The following CCSER1 variants were observed in gnomAD, a reference collection of about 807,000 sequenced individuals.
CCSER1 encodes serine-rich coiled-coil domain-containing protein 1.
Under a neutral mutation model 82.0 loss-of-function variants are expected in CCSER1, and 41 were observed. That is an observed-to-expected ratio of 0.50 (90% CI 0.39 to 0.65). The LOEUF is 0.65. Among genes scored for constraint, CCSER1 ranks in the 30% least tolerant of loss-of-function variants. The pLI, the probability that CCSER1 is intolerant of heterozygous loss-of-function variation, is 0.00. For missense variants in CCSER1, 1,119 were observed against 1,064.2 expected, an observed-to-expected ratio of 1.05 and a Z score of -0.72; for synonymous variants, 414 against 383.9, an observed-to-expected ratio of 1.08 and a Z score of -0.92.
intron 10 of CCSER1, among the ~76,000 whole-genome samples, chr4:91,224,980 C>T (rs548363162): frequency 6.6e-6 from 1 of 151,058 alleles, no homozygotes; most frequent in African/African-American, 2.4e-5. Context: ...TCCAATTTAA[C>T]AAGATGCTAC....
intron 6 of CCSER1, among the ~76,000 whole-genome samples, chr4:90,637,554 C>T (rs1287908330): frequency 6.6e-6 from 1 of 152,072 alleles, no homozygotes; most frequent in Non-Finnish European, 1.5e-5. Context: ...GCAAAGTACA[C>T]TCAGCCCCTC....
intron 5 of CCSER1, among the ~76,000 whole-genome samples, chr4:90,558,331 A>T (rs561576278): frequency 6.6e-6 from 1 of 152,306 alleles, no homozygotes; most frequent in South Asian, 2.1e-4. Context: ...TAAAATTAAC[A>T]TATAGAAATA....
At chr4:91,091,314 G>T (rs1377439514) in intron 10 of CCSER1, among the ~76,000 whole-genome samples, 1 of 152,158 alleles carries the variant, frequency 6.6e-6, no homozygotes, top group Non-Finnish European at 1.5e-5. Context: ...GTTCAGAGGG[G>T]TCATAGCACA....
chr4:91,159,511 A>G (rs936428291), intron 10 of CCSER1, among the ~76,000 whole-genome samples: 1 of 151,982 alleles, frequency 6.6e-6, no homozygotes, highest in East Asian at 1.9e-4. Flanking sequence ...TTGGAAACAT[A>G]AATATTAATT....
intron 10 of CCSER1, among the ~76,000 whole-genome samples, chr4:91,394,497 C>T (rs17018434): frequency 0.013 from 1,983 of 151,918 alleles, 43 homozygotes; most frequent in African/African-American, 0.045. Flanking sequence ...TTAATTAGTT[C>T]GGCAGATAAA....
At chr4:90,316,026 G>T (rs1369846564) in intron 3 of CCSER1, among the ~76,000 whole-genome samples, 1 of 152,032 alleles carries the variant, frequency 6.6e-6, no homozygotes, top group African/African-American at 2.4e-5. Flanking sequence ...ATGTATCCAT[G>T]GTTCAGTTAT....
chr4:91,068,905 A>G (rs1368345930), intron 9 of CCSER1, among the ~76,000 whole-genome samples: 4 of 152,144 alleles, frequency 2.6e-5, no homozygotes, highest in African/African-American at 7.2e-5. Flanking sequence ...ATTTTTGGCC[A>G]GGCATGGTGG....
At chr4:90,471,348 TC>T (rs537043778) in intron 5 of CCSER1, among the ~76,000 whole-genome samples, 318 of 152,008 alleles carry the variant, frequency 2.1e-3, no homozygotes, top group Non-Finnish European at 3.3e-3. Context: ...GGGGAAAGGA[TC>T]ATTTGAACCC....
At chr4:91,113,282 A>T (rs1726245391) in intron 10 of CCSER1, among the ~76,000 whole-genome samples, 1 of 152,156 alleles carries the variant, frequency 6.6e-6, no homozygotes, top group Non-Finnish European at 1.5e-5. Flanking sequence ...TGCAAGGGAG[A>T]CCTTCTTGAG....
chr4:90,409,441 ACT>A lies in CCSER1; in HGVS notation c.1603+9315_1603+9316del, dbSNP rs1754316819. Among the ~76,000 whole-genome samples the A allele has an allele frequency of 4.6e-5, 7 of 152,320 alleles. No homozygotes were observed. The South Asian group carries it at 1.4e-3, about 32-fold the overall frequency. The stretch of plus-strand genomic sequence containing the variant: ...ACTAAAAGCTGATCTCTCGGCAGAA[ACT>A]CTACAAGCCAGAAGAGAGTGGGGGC... On this transcript the variant is annotated intron_variant, in intron 4 of 10. Transcript: ENST00000509176.
chr4:90,347,311 C>CTCTATCTATCTATCTATCTA (rs35636292), intron 3 of CCSER1, among the ~76,000 whole-genome samples: 276 of 148,714 alleles, frequency 1.9e-3, no homozygotes, highest in East Asian at 4.6e-3. Flanking sequence ...TTAACATAAG[C>CTCTATCTATCTATCTATCTA]TCTATCTATC....
In CCSER1 at chr4:91,598,967, C is replaced by G; in HGVS notation, c.2613C>G (p.Ile871Met). ...GRFGQPPRGP[I>M]SLHMYSRKNV... Reference sequence around the variant, plus strand: ...TTGGACAGCCACCCAGAGGGCCAATCTCTTTACACATGTACAGCAGGAAGA... The same window carrying G: ...TTGGACAGCCACCCAGAGGGCCAATGTCTTTACACATGTACAGCAGGAAGA... The change falls in exon 11 of 11, where the codon ATC (isoleucine) becomes ATG (methionine). Residue 871 changes from isoleucine to methionine, a missense_variant. Coordinates refer to ENST00000509176, the MANE Select transcript of CCSER1 (RefSeq NM_001145065.2). The G allele has an allele frequency of 6.4e-7, 1 of 1,551,584 alleles. No individual in the cohort carries two copies. The highest frequency in any genetic ancestry group is 1.2e-5 in the South Asian group (1 of 84,058).
intron 3 of CCSER1, among the ~76,000 whole-genome samples, chr4:90,323,092 T>C (rs958864227): frequency 6.6e-6 from 1 of 152,190 alleles, no homozygotes; most frequent in Non-Finnish European, 1.5e-5. Context: ...TTCAGGAATA[T>C]GCAGGGTGCT....
At chr4:91,258,729 C>T (rs1740880632) in intron 10 of CCSER1, among the ~76,000 whole-genome samples, 1 of 151,986 alleles carries the variant, frequency 6.6e-6, no homozygotes, top group Non-Finnish European at 1.5e-5. Flanking sequence ...TGCTAATATG[C>T]AAAAATAAAT....
chr4:90,178,224 A>G (rs6836042), intron 1 of CCSER1, among the ~76,000 whole-genome samples: 3,663 of 152,228 alleles, frequency 0.024, 140 homozygotes, highest in African/African-American at 0.082. Context: ...TAGAGCATAA[A>G]CAAAGTATTC....
chr4:91,362,261 C>T (rs1749300554), intron 10 of CCSER1, among the ~76,000 whole-genome samples: 1 of 151,810 alleles, frequency 6.6e-6, no homozygotes, highest in African/African-American at 2.4e-5. Flanking sequence ...GATATTTTAG[C>T]TGAGCCTGTA....
intron 10 of CCSER1, among the ~76,000 whole-genome samples, chr4:91,498,753 T>C (rs1316325405): frequency 2.0e-5 from 3 of 151,950 alleles, no homozygotes. Flanking sequence ...TTTATTATAA[T>C]ATCCACTTCT....
intron 10 of CCSER1, among the ~76,000 whole-genome samples, chr4:91,180,190 C>A (rs1733862329): frequency 6.6e-6 from 1 of 152,280 alleles, no homozygotes; most frequent in South Asian, 2.1e-4. Flanking sequence ...CAGAGGGGCA[C>A]CCGGCTGTAT....
chr4:91,489,307 A>G (rs1308271358), intron 10 of CCSER1, among the ~76,000 whole-genome samples: 1 of 152,174 alleles, frequency 6.6e-6, no homozygotes, highest in African/African-American at 2.4e-5. Flanking sequence ...GCCCCCACAC[A>G]GATTTTCCAT....
Sources: gnomAD v4.1 joint callset for allele counts (sites outside exome capture counted in the v4.1 genomes callset) on GRCh38, gnomAD v4.1.1 for gene constraint, MANE v1.5 for transcripts, NCBI Gene and HGNC (gene_info 2026-07-23, HGNC 2026-07-21) for gene names.